Variants in TULP2 observed in about 807,000 individuals in gnomAD.
The protein encoded by TULP2 is TUB like protein 2.
A neutral mutation model predicts 60.3 loss-of-function variants in TULP2; 64 were observed. The observed-to-expected ratio is 1.06, with a 90% confidence interval of 0.87 to 1.31. The LOEUF (loss-of-function observed/expected upper bound fraction) is 1.31, where lower values mean the gene tolerates loss of function less well. Among genes scored for constraint, TULP2 ranks in the 50% most tolerant of loss-of-function variants. The pLI is 0.00. For synonymous variants in TULP2, 267 were observed against 265.4 expected, an observed-to-expected ratio of 1.01 and a Z score of -0.06; for missense variants, 652 against 667.0, an observed-to-expected ratio of 0.98 and a Z score of 0.25.
chr19:48,886,174 C>G (rs1378978468), intron 8 of TULP2, among the ~76,000 whole-genome samples: 1 of 151,738 alleles, frequency 6.6e-6, no homozygotes, highest in Non-Finnish European at 1.5e-5. Context: ...GGCGTGGTGG[C>G]GGGCGCCTGT....
At chr19:48,886,854 G>A (rs892621954) in intron 8 of TULP2, among the ~76,000 whole-genome samples, 23 of 151,632 alleles carry the variant, frequency 1.5e-4, no homozygotes, top group African/African-American at 4.4e-4. Context: ...TGGGACTACA[G>A]GTGGGCACCA....
At position 48,897,948 on chromosome 19, in the gene TULP2, CTTATTTATTTATTTAT is replaced by C. The variant is rs60572211; in HGVS notation, c.-1-95_-1-80del. ...TGCCCACCAGCACCTAATCTTTAGC[CTTATTTATTTATTTAT>C]TTATTTATTTATTTATGTATTTAGA... On this transcript the variant is annotated intron_variant, in intron 1 of 12. Coordinates refer to ENST00000221399, the MANE Select transcript of TULP2 (RefSeq NM_003323.3). This position sits in a 1 kb window ranked among gnomAD's most constrained non-coding sequence, Gnocchi z 4.0. 7.8e-6 allele frequency: 5 copies of C among 638,430 alleles called. No homozygotes were observed. The highest frequency in any genetic ancestry group is 7.7e-5 in the African/African-American group (4 of 51,756). The allele number at this position is 638,430 out of a possible 1,614,324, so 39.5% of individuals were successfully genotyped here.
chr19:48,883,879 T>C, intron 10 of TULP2, 27 bp from the exon 11 acceptor site: 1 of 1,614,034 alleles, frequency 6.2e-7, no homozygotes, highest in South Asian at 1.1e-5. Context: ...CCAGTTGGCC[T>C]GGTTCCTTCT....
Position 48,888,251 on chromosome 19 carries a change from A to G in TULP2, c.647T>C (p.Leu216Ser). Reference sequence around the variant, plus strand: ...CTCAGAGGCCTCTCTCTTCTTTTCCAAGTCTTCTTCCTAGCCCAGGCACCA... The same window carrying G: ...CTCAGAGGCCTCTCTCTTCTTTTCCGAGTCTTCTTCCTAGCCCAGGCACCA... ...ENLAFQKEED[L>S]EKKREASEST... The change falls in exon 8 of 13, where the codon TTG (leucine) becomes TCG (serine). Residue 216 changes from leucine to serine, a missense_variant. Coordinates refer to ENST00000221399, the MANE Select transcript of TULP2 (RefSeq NM_003323.3). 1 of 1,589,806 alleles carries G rather than the reference A, an allele frequency of 6.3e-7. No homozygotes were observed. The highest frequency in any genetic ancestry group is 8.6e-7 in the Non-Finnish European group (1 of 1,163,396).
At position 48,887,311 on chromosome 19, in the gene TULP2, C is replaced by CTTTTTTTTTTTTTTTTTTTTTTTTTTTT. The variant is rs58640342; in HGVS notation, c.948+611_948+638dup. 1.5e-4 allele frequency among the ~76,000 whole-genome samples: 6 copies of CTTTTTTTTTTTTTTTTTTTTTTTTTTTT among 39,376 alleles called. 3 individuals carry two copies. The highest frequency in any genetic ancestry group is 1.0e-3 in the Admixed American group (2 of 2,000). The allele number at this position is 39,376 out of a possible 152,430, so 25.8% of individuals were successfully genotyped here. ...CAAGTGTGAGCCACCGCGCCCAGCC[C>CTTTTTTTTTTTTTTTTTTTTTTTTTTTT]TTTTTTTTTTTTTTTTTTTTTTTTT... On this transcript the variant is annotated intron_variant, in intron 8 of 12. Transcript: ENST00000221399.
chr19:48,898,567 C>G (rs1289158275), intron 1 of TULP2, 23 bp downstream of exon 1: 2 of 151,858 alleles, frequency 1.3e-5, no homozygotes, highest in Non-Finnish European at 2.9e-5. Context: ...TACCTTGCCT[C>G]TCTGGCCAAT....
In TULP2 at chr19:48,896,419, T is replaced by C. The variant is rs73061692; in HGVS notation, c.211+11A>G. 0.14 allele frequency: 222,333 copies of C among 1,590,626 alleles called. 17,440 individuals are homozygous for C. Among genetic ancestry groups the C allele is most frequent in the Non-Finnish European group, 0.16 (187,892 of 1,171,866 alleles). ...CCCTCCAGGCGAACGCCCCCAGGGGTCTTTGGTCACCTCTGTCACCTAAAA... is the reference window on the plus strand; with the variant it reads ...CCCTCCAGGCGAACGCCCCCAGGGGCCTTTGGTCACCTCTGTCACCTAAAA... On this transcript the variant is annotated intron_variant, in intron 4 of 12. Coordinates refer to ENST00000221399, the MANE Select transcript of TULP2 (RefSeq NM_003323.3).
chr19:48,895,902 T>G (rs1192367650), intron 4 of TULP2, among the ~76,000 whole-genome samples: 1 of 152,004 alleles, frequency 6.6e-6, no homozygotes, highest in Admixed American at 6.6e-5. Context: ...AAAATCACCC[T>G]GTTTCGCGGA....
rs981717436 is a variant in TULP2, at chr19:48,891,672, G to A, written c.515-2041C>T. Among the ~76,000 whole-genome samples the A allele has an allele frequency of 9.2e-5, 14 of 152,328 alleles. No individual in the cohort carries two copies. The East Asian group carries it at 2.7e-3, about 29-fold the overall frequency. ...AGGTGGAGACGAGCGGCTGAGAGAA[G>A]AAAGAAGACACAGAGACAAAGTATA... On this transcript the variant is annotated intron_variant, in intron 6 of 12. Transcript: ENST00000221399.
rs1245115119 is a variant in TULP2, at chr19:48,895,418, A to G, written c.297T>C (p.Cys99=). Residue 99 remains cysteine (C), a synonymous_variant, in exon 5 of 13, where the codon TGT becomes TGC. Transcript: ENST00000221399. ...CGCGCTCGCCCCTGCCGTCTCCACC[A>G]CAGCTCACGGTGCCCAGGGCACTGT... ...GIHSALGTVS[C]GGDGRGERGL... 1.2e-6 allele frequency: 2 copies of G among 1,613,862 alleles called. No individual in the cohort carries two copies. Among genetic ancestry groups the G allele is most frequent in the African/African-American group, 1.3e-5 (1 of 74,910 alleles).
intron 4 of TULP2, among the ~76,000 whole-genome samples, chr19:48,896,218 C>CT (rs1320647143): frequency 6.6e-6 from 1 of 152,208 alleles, no homozygotes; most frequent in Non-Finnish European, 1.5e-5. Context: ...CCCCGAACCC[C>CT]TCCCTCACAG....
At chr19:48,884,081 C>A (rs1449818452) in intron 9 of TULP2, 35 bp from the exon 10 acceptor site, 1 of 1,552,226 alleles carries the variant, frequency 6.4e-7, no homozygotes, top group Non-Finnish European at 8.9e-7. Flanking sequence ...AATAAAAATA[C>A]TAAGTGTTAC....
chr19:48,887,268 C>G (rs1046945882), intron 8 of TULP2, among the ~76,000 whole-genome samples: 2 of 144,600 alleles, frequency 1.4e-5, no homozygotes, highest in Non-Finnish European at 3.0e-5. Context: ...GCCTCGGCCT[C>G]CCAAAGTGCT....
chr19:48,896,329 T>TC (rs1391150705), intron 4 of TULP2, 101 bp downstream of exon 4: 2 of 1,428,042 alleles, frequency 1.4e-6, no homozygotes, highest in Admixed American at 5.0e-5. Context: ...CACTGCCAAG[T>TC]CCCCACCCTA....
intron 6 of TULP2, among the ~76,000 whole-genome samples, chr19:48,893,834 G>T (rs1186611211): frequency 1.3e-5 from 2 of 151,832 alleles, no homozygotes; most frequent in Non-Finnish European, 2.9e-5. Flanking sequence ...GATTACAGGC[G>T]TGAGCCACCG....
chr19:48,889,122 G>A (rs895826134), intron 7 of TULP2, among the ~76,000 whole-genome samples: 15 of 151,164 alleles, frequency 9.9e-5, no homozygotes, highest in Admixed American at 4.0e-4. Flanking sequence ...GATTACTGGC[G>A]TGCGCCACCA....
intron 11 of TULP2, among the ~76,000 whole-genome samples, chr19:48,882,416 G>T (rs2037142933): frequency 6.6e-6 from 1 of 152,150 alleles, no homozygotes; most frequent in African/African-American, 2.4e-5. Context: ...CACAATGTTA[G>T]AAATGCTTGT....
intron 6 of TULP2, 121 bp from the exon 7 acceptor site, chr19:48,889,752 A>AT (rs564094907): frequency 0.012 from 10,305 of 844,092 alleles, 93 homozygotes; most frequent in Non-Finnish European, 0.014. Flanking sequence ...GGATGCTGTT[A>AT]ATCTATAACC....
chr19:48,890,058 G>C (rs201511701), intron 6 of TULP2, among the ~76,000 whole-genome samples: 1 of 130,584 alleles, frequency 7.7e-6, no homozygotes, highest in Non-Finnish European at 1.7e-5. Flanking sequence ...CACCCGTAAA[G>C]GGTCTGTGCT....
Sources: gnomAD v4.1 joint callset for allele counts (sites outside exome capture counted in the v4.1 genomes callset) on GRCh38, gnomAD v4.1.1 for gene constraint, Gnocchi (gnomAD v3.1) non-coding constraint, MANE v1.5 for transcripts, NCBI Gene and HGNC (gene_info 2026-07-23, HGNC 2026-07-21) for gene names.